The following SRGAP1 variants were observed in gnomAD, a reference collection of about 807,000 sequenced individuals.
The protein encoded by SRGAP1 is SLIT-ROBO Rho GTPase activating protein 1, also known as SLIT-ROBO Rho GTPase-activating protein 1.
In SRGAP1, 43 loss-of-function variants were observed where a neutral mutation model predicts 121.9. That is an observed-to-expected ratio of 0.35 (90% CI 0.28 to 0.46). SRGAP1 has a LOEUF of 0.46. Among genes scored for constraint, SRGAP1 ranks in the 20% least tolerant of loss-of-function variants. The pLI is 1.00. For missense variants in SRGAP1, 1,102 were observed against 1,350.9 expected, an observed-to-expected ratio of 0.82 and a Z score of 2.89; for synonymous variants, 447 against 485.4, an observed-to-expected ratio of 0.92 and a Z score of 1.04.
At position 64,142,790 on chromosome 12, in the gene SRGAP1, C is replaced by T; in HGVS notation, c.*118C>T. On this transcript the variant is annotated 3_prime_UTR_variant, in exon 22 of 22. Coordinates refer to ENST00000355086, the MANE Select transcript of SRGAP1 (RefSeq NM_020762.4). ...GTGCTTATAACTGGAGATCTTTTGGCTTTTCTATGTTGTCGAATGTAATGT... is the reference window on the plus strand; with the variant it reads ...GTGCTTATAACTGGAGATCTTTTGGTTTTTCTATGTTGTCGAATGTAATGT... 7.2e-7 allele frequency: 1 copy of T among 1,384,462 alleles called. No homozygotes were observed. The highest frequency in any genetic ancestry group is 9.7e-7 in the Non-Finnish European group (1 of 1,027,440). 85.8% of individuals were successfully genotyped at this position (1,384,462 alleles called of 1,614,324 possible).
chr12:64,004,619 C>T (rs985128809), intron 3 of SRGAP1, among the ~76,000 whole-genome samples: 2 of 152,178 alleles, frequency 1.3e-5, no homozygotes, highest in African/African-American at 2.4e-5. Flanking sequence ...ATCTGCCCAC[C>T]TCGGCCTCCC....
chr12:63,847,753 A>T (rs963222790), intron 1 of SRGAP1, among the ~76,000 whole-genome samples: 45 of 152,096 alleles, frequency 3.0e-4, no homozygotes, highest in African/African-American at 1.0e-3. Flanking sequence ...CTCAAGAAAA[A>T]CACAATGAAT....
chr12:63,968,146 G>A (rs762681338), intron 1 of SRGAP1, among the ~76,000 whole-genome samples: 19 of 152,048 alleles, frequency 1.2e-4, no homozygotes, highest in Non-Finnish European at 2.2e-4. Flanking sequence ...ACATTCATGA[G>A]GTCCTATACA....
intron 1 of SRGAP1, among the ~76,000 whole-genome samples, chr12:63,889,201 T>TG (rs1225391476): frequency 6.6e-6 from 1 of 151,948 alleles, no homozygotes; most frequent in Non-Finnish European, 1.5e-5. Flanking sequence ...AAGCATAGAG[T>TG]GGGGGCTCAG....
At chr12:63,859,594 T>C (rs1380677361) in intron 1 of SRGAP1, among the ~76,000 whole-genome samples, 1 of 152,230 alleles carries the variant, frequency 6.6e-6, no homozygotes, top group Non-Finnish European at 1.5e-5. Flanking sequence ...AACACATAGC[T>C]CATTCTTTTT....
intron 4 of SRGAP1, 80 bp from the exon 5 acceptor site, chr12:64,042,710 A>G (rs1272747699): frequency 8.9e-7 from 1 of 1,124,518 alleles, no homozygotes; most frequent in Non-Finnish European, 1.3e-6. Flanking sequence ...TGTGTATCAT[A>G]TACGTCGTAT....
At chr12:64,036,338 C>T (rs947199885) in intron 4 of SRGAP1, among the ~76,000 whole-genome samples, 2 of 152,110 alleles carry the variant, frequency 1.3e-5, no homozygotes, top group Non-Finnish European at 2.9e-5. Context: ...AAACAATGGG[C>T]GTGGGCTTCC....
rs1360392260 is a variant in SRGAP1 at position 64,125,998 on chromosome 12, T to C, written c.2246T>C (p.Ile749Thr). 8.1e-6 allele frequency: 13 copies of C among 1,613,934 alleles called. No individual in the cohort carries two copies. Among genetic ancestry groups the C allele is most frequent in the African/African-American group, 2.7e-5 (2 of 74,928 alleles). The change falls in exon 19 of 22, where the codon ATA becomes ACA. Residue 749 changes from isoleucine to threonine, a missense_variant. Physicochemically the swap from Ile to Thr is moderately conservative, Grantham distance 89. Around this residue, in one of 3 missense-constraint regions of SRGAP1, gnomAD observed 747 missense variants for 929.4 expected, o/e 0.80. Transcript: ENST00000355086. ...SEDECEPIEA[I>T]AKFDYVGRSA... ...GTAGAATGTGAGCCAATAGAAGCAA[T>C]AGCCAAGTTTGACTATGTTGGGCGG...
chr12:63,905,416 G>A (rs1446537251), intron 1 of SRGAP1, among the ~76,000 whole-genome samples: 1 of 152,126 alleles, frequency 6.6e-6, no homozygotes, highest in African/African-American at 2.4e-5. Flanking sequence ...CAGTAATATC[G>A]GATGGTCCAA....
At chr12:63,934,292 C>T (rs1399720940) in intron 1 of SRGAP1, among the ~76,000 whole-genome samples, 1 of 152,156 alleles carries the variant, frequency 6.6e-6, no homozygotes, top group African/African-American at 2.4e-5. Context: ...CAGATCTCAC[C>T]TCCTGAGTGA....
At chr12:64,057,707 G>A (rs2035369379) in intron 6 of SRGAP1, among the ~76,000 whole-genome samples, 1 of 152,098 alleles carries the variant, frequency 6.6e-6, no homozygotes, top group South Asian at 2.1e-4. Context: ...TGAGATCACA[G>A]AAGTCTCTCA....
intron 1 of SRGAP1, among the ~76,000 whole-genome samples, chr12:63,977,602 G>C (rs12315032): frequency 0.023 from 3,498 of 151,616 alleles, 126 homozygotes; most frequent in African/African-American, 0.075. Flanking sequence ...CCTTCATTTC[G>C]TCTGTTTCTA....
chr12:63,925,948 T>C (rs965493594), intron 1 of SRGAP1, among the ~76,000 whole-genome samples: 1 of 152,200 alleles, frequency 6.6e-6, no homozygotes, highest in Non-Finnish European at 1.5e-5. Context: ...AAGCCTAGAA[T>C]GAAAACCTTC....
chr12:64,040,583 C>T (rs560474756), intron 4 of SRGAP1, among the ~76,000 whole-genome samples: 20 of 152,006 alleles, frequency 1.3e-4, no homozygotes, highest in Non-Finnish European at 2.2e-4. Flanking sequence ...CGAATTCACC[C>T]GGATGTCTGA....
intron 18 of SRGAP1, 164 bp downstream of exon 18, chr12:64,116,057 C>A (rs564578694): frequency 2.7e-4 from 159 of 591,808 alleles, no homozygotes; most frequent in African/African-American, 2.5e-3. Context: ...GAGTTCAACA[C>A]CAGCCTGTGC....
chr12:63,866,934 T>A (rs1899656333), intron 1 of SRGAP1, among the ~76,000 whole-genome samples: 1 of 151,880 alleles, frequency 6.6e-6, no homozygotes, highest in Non-Finnish European at 1.5e-5. Flanking sequence ...AGTGGCACGC[T>A]CATGGCTCAC....
At chr12:63,982,105 C>T (rs1167842033) in intron 1 of SRGAP1, among the ~76,000 whole-genome samples, 1 of 151,846 alleles carries the variant, frequency 6.6e-6, no homozygotes, top group Non-Finnish European at 1.5e-5. Flanking sequence ...CCCAGCTACT[C>T]GAGGCTGAGA....
intron 1 of SRGAP1, among the ~76,000 whole-genome samples, chr12:63,944,874 T>C (rs2031991596): frequency 6.6e-6 from 1 of 152,168 alleles, no homozygotes; most frequent in Admixed American, 6.5e-5. Flanking sequence ...CCCTGCTAGC[T>C]CCTTCACCCT....
intron 6 of SRGAP1, 53 bp downstream of exon 6, chr12:64,043,628 C>T (rs1204007212): frequency 4.2e-6 from 6 of 1,421,730 alleles, no homozygotes; most frequent in Non-Finnish European, 4.8e-6. Flanking sequence ...TTAACAATAA[C>T]CATATTTCGT....
Sources: allele counts gnomAD v4.1 joint callset (sites outside exome capture counted in the v4.1 genomes callset), GRCh38; gene constraint gnomAD v4.1.1; regional missense constraint gnomAD v4.1.1; transcripts MANE v1.5; gene names NCBI Gene and HGNC (gene_info 2026-07-23, HGNC 2026-07-21).